SCARB2: variants seen among roughly 807,000 people sequenced by gnomAD.
The protein encoded by SCARB2 is scavenger receptor class B member 2.
SCARB2 carries 29 observed loss-of-function variants against 58.6 expected under a neutral mutation model. The observed-to-expected ratio is 0.49, with a 90% CI of 0.37 to 0.67. The LOEUF is 0.67. SCARB2 is among the 30% of genes least tolerant of loss of function. The pLI is 0.00. For synonymous variants in SCARB2, 195 were observed against 210.1 expected (o/e 0.93, Z 0.62); for missense variants, 488 against 578.5 (o/e 0.84, Z 1.60).
At chr4:76,232,506 G>A (rs964693358) in intron 1 of SCARB2, among the ~76,000 whole-genome samples, 8 of 152,194 alleles carry the variant, frequency 5.3e-5, no homozygotes, top group Non-Finnish European at 1.5e-5. Flanking sequence ...TGACAAAGGA[G>A]TTTGGTTTTC....
intron 1 of SCARB2, among the ~76,000 whole-genome samples, chr4:76,201,097 A>C (rs543869407): frequency 3.7e-4 from 56 of 152,118 alleles, no homozygotes; most frequent in Non-Finnish European, 7.2e-4. Context: ...CACTTTATGC[A>C]CCAGTAACAC....
chr4:76,179,338 G>A (rs1732330173), intron 4 of SCARB2, 179 bp downstream of exon 4: 2 of 602,700 alleles, frequency 3.3e-6, no homozygotes, highest in Admixed American at 5.7e-5. Flanking sequence ...ACAGGCATTA[G>A]CCACCGCACC....
chr4:76,219,525 C>T (rs945459017), intron 1 of SCARB2, among the ~76,000 whole-genome samples: 6 of 151,982 alleles, frequency 3.9e-5, no homozygotes, highest in Non-Finnish European at 5.9e-5. Flanking sequence ...ATAAACAACA[C>T]GAGAGGTCAC....
chr4:76,162,065 G>A, intron 11 of SCARB2: 1 of 435,630 alleles, frequency 2.3e-6, no homozygotes, highest in Non-Finnish European at 4.3e-6. Context: ...CTAAGGAGTA[G>A]TGTCTCAGAG....
intron 9 of SCARB2, chr4:76,166,551 G>A (rs7664889): frequency 3.5e-6 from 2 of 569,404 alleles, no homozygotes; most frequent in African/African-American, 3.8e-5. Flanking sequence ...ATGATGACTA[G>A]TCTCCTTAGA....
chr4:76,190,009 CTTTTT>C (rs796495594), intron 2 of SCARB2, among the ~76,000 whole-genome samples: 1 of 134,770 alleles, frequency 7.4e-6, no homozygotes, highest in Non-Finnish European at 1.6e-5. Flanking sequence ...ATACTTGACA[CTTTTT>C]TTTTTTTTTT....
chr4:76,165,613 C>A (rs965900436), intron 10 of SCARB2: 1 of 152,112 alleles, frequency 6.6e-6, no homozygotes, highest in Non-Finnish European at 1.5e-5. Context: ...CAGGCTGACA[C>A]AGATTTTGTG....
Position 76,209,455 on chromosome 4 carries a change from G to A in SCARB2, c.117+3972C>T, listed in dbSNP as rs544458773. On this transcript the variant is annotated intron_variant, in intron 1 of 11. Transcript: ENST00000264896. ...GCCATCTTGGCTCACTGCAACCTCC[G>A]CCTCCCGGATTCAAGCGATTCTCCT... Among the ~76,000 whole-genome samples the A allele has an allele frequency of 1.1e-4, 17 of 152,152 alleles. 1 individual carries two copies. Among genetic ancestry groups the A allele is most frequent in the South Asian group, 8.3e-4 (4 of 4,822 alleles).
At chr4:76,221,854 G>T (rs566790778) in intron 1 of SCARB2, among the ~76,000 whole-genome samples, 1 of 152,078 alleles carries the variant, frequency 6.6e-6, no homozygotes, top group African/African-American at 2.4e-5. Context: ...AAACCTCAGC[G>T]ACACCCAGTT....
intron 8 of SCARB2, 55 bp downstream of exon 8, chr4:76,169,812 A>G: frequency 7.4e-7 from 1 of 1,360,220 alleles, no homozygotes; most frequent in South Asian, 1.2e-5. Flanking sequence ...CTGGTGAACA[A>G]TGTATAGACA....
Position 76,196,006 on chromosome 4 carries a change from C to T in SCARB2, c.118-142G>A. On this transcript the variant is annotated intron_variant, in intron 1 of 11. Transcript: ENST00000264896. ...TTTCACAGGCATTCAACTGCAGTCT[C>T]CTGAGAACAGGGCCATATCTTACAC... 8 of 619,724 alleles carry T rather than the reference C, an allele frequency of 1.3e-5. No homozygotes were observed. The South Asian group carries it at 1.6e-4, about 12-fold the overall frequency. The allele number at this position is 619,724 out of a possible 1,614,324, so 38.4% of individuals were successfully genotyped here.
chr4:76,165,353 A>T (rs1056948990), intron 10 of SCARB2: 2 of 152,308 alleles, frequency 1.3e-5, no homozygotes, highest in African/African-American at 2.4e-5. Flanking sequence ...ATAAAATTGT[A>T]TCTATCGTAT....
At chr4:76,180,888 G>A in intron 3 of SCARB2, 66 bp downstream of exon 3, 3 of 1,379,346 alleles carry the variant, frequency 2.2e-6, no homozygotes, top group Admixed American at 1.9e-5. Context: ...AAATCATAAA[G>A]AGCATTAACT....
chr4:76,201,057 C>T (rs59876319), intron 1 of SCARB2, among the ~76,000 whole-genome samples: 3,614 of 152,288 alleles, frequency 0.024, 126 homozygotes, highest in African/African-American at 0.082. Flanking sequence ...GATGCAACTG[C>T]GTCACCTGTC....
chr4:76,172,466 C>T (rs963550502), intron 7 of SCARB2, among the ~76,000 whole-genome samples: 1 of 151,954 alleles, frequency 6.6e-6, no homozygotes, highest in African/African-American at 2.4e-5. Context: ...GTTGCCCATG[C>T]AGGTCTAAAT....
At chr4:76,217,240 G>A (rs1733224375), upstream of SCARB2, among the ~76,000 whole-genome samples, 1 of 152,208 alleles carries the variant, frequency 6.6e-6, no homozygotes, top group South Asian at 2.1e-4. Context: ...CAGACAGCTT[G>A]GGAAGGGGTT....
At chr4:76,173,910 T>A (rs911858473) in intron 7 of SCARB2, 8 of 545,708 alleles carry the variant, frequency 1.5e-5, no homozygotes, top group African/African-American at 1.3e-4. Flanking sequence ...GATCTTTCTA[T>A]TGGGCTGACA....
intron 7 of SCARB2, chr4:76,173,926 TTC>T: frequency 1.6e-6 from 1 of 607,570 alleles, no homozygotes; most frequent in Non-Finnish European, 3.0e-6. Context: ...TGACAATATA[TTC>T]TTTTTTGTTT....
At chr4:76,232,433 A>G (rs1017283075) in intron 1 of SCARB2, among the ~76,000 whole-genome samples, 1 of 152,190 alleles carries the variant, frequency 6.6e-6, no homozygotes, top group Admixed American at 6.5e-5. Context: ...AAGGATTAAA[A>G]CAAGACAACA....
Sources: gnomAD v4.1 joint callset for allele counts (sites outside exome capture counted in the v4.1 genomes callset) on GRCh38, gnomAD v4.1.1 for gene constraint, MANE v1.5 for transcripts, NCBI Gene and HGNC (gene_info 2026-07-23, HGNC 2026-07-21) for gene names.